The following ITPR1 variants were observed in gnomAD, a reference collection of about 807,000 sequenced individuals.
The protein encoded by ITPR1 is inositol 1,4,5-trisphosphate-gated calcium channel ITPR1.
ITPR1 carries 96 observed loss-of-function variants against 318.4 expected under a neutral mutation model. That is an observed-to-expected ratio of 0.30 (90% CI 0.26 to 0.36). The LOEUF is 0.36. ITPR1 is among the 10% of genes least tolerant of loss of function. ITPR1 has a pLI of 1.00. For missense variants in ITPR1, 2,440 were observed against 3,460.2 expected (o/e 0.71, Z 7.40); for synonymous variants, 1,312 against 1,289.9 (o/e 1.02, Z -0.37).
chr3:4,650,794 G>A (rs571645947), intron 10 of ITPR1, among the ~76,000 whole-genome samples: 1 of 152,116 alleles, frequency 6.6e-6, no homozygotes, highest in South Asian at 2.1e-4. Flanking sequence ...GCAGACATGT[G>A]CTGGGTCATT....
chr3:4,740,607 C>T (rs778833427), intron 44 of ITPR1, among the ~76,000 whole-genome samples: 43 of 152,172 alleles, frequency 2.8e-4, no homozygotes, highest in Non-Finnish European at 5.9e-4. Flanking sequence ...GGTTACTTCC[C>T]AGTCTGGCAT....
chr3:4,523,430 A>AAT (rs1559381324), intron 4 of ITPR1, among the ~76,000 whole-genome samples: 1 of 150,704 alleles, frequency 6.6e-6, no homozygotes, highest in Admixed American at 6.6e-5. Flanking sequence ...CATGCTTATT[A>AAT]TTTTTTTTGG....
At chr3:4,831,145 A>ACACACACACACT in intron 60 of ITPR1, 1 of 380,422 alleles carries the variant, frequency 2.6e-6, no homozygotes, top group East Asian at 7.2e-5. Flanking sequence ...ACACACACAC[A>ACACACACACACT]CACACACACT....
intron 40 of ITPR1, among the ~76,000 whole-genome samples, chr3:4,719,487 C>T (rs2041995854): frequency 6.6e-6 from 1 of 152,244 alleles, no homozygotes; most frequent in Admixed American, 6.5e-5. Flanking sequence ...TCTGCAGAAG[C>T]TTAATGAGAA....
intron 44 of ITPR1, among the ~76,000 whole-genome samples, chr3:4,753,407 G>A (rs2044700859): frequency 7.2e-5 from 11 of 152,134 alleles, no homozygotes; most frequent in Admixed American, 7.2e-4. Flanking sequence ...AGTGCTGTGT[G>A]ATTTCACCCT....
intron 4 of ITPR1, among the ~76,000 whole-genome samples, chr3:4,595,332 G>A (rs1319417240): frequency 6.6e-6 from 1 of 152,172 alleles, no homozygotes. Context: ...GGCCAGAGTG[G>A]GAGCGAGAGA....
At chr3:4,531,575 T>A (rs1049805625) in intron 4 of ITPR1, among the ~76,000 whole-genome samples, 1 of 152,214 alleles carries the variant, frequency 6.6e-6, no homozygotes, top group Non-Finnish European at 1.5e-5. Flanking sequence ...GCAGTCTGCA[T>A]GAGTCACCAC....
chr3:4,638,021 C>G (rs2093241920), intron 5 of ITPR1, among the ~76,000 whole-genome samples: 2 of 152,178 alleles, frequency 1.3e-5, no homozygotes, highest in South Asian at 4.2e-4. Flanking sequence ...TGTATTGTCC[C>G]CATTTTGTGA....
intron 52 of ITPR1, among the ~76,000 whole-genome samples, 186 bp downstream of exon 52, chr3:4,788,325 T>A (rs1559897731): frequency 6.6e-6 from 1 of 152,254 alleles, no homozygotes; most frequent in African/African-American, 2.4e-5. Flanking sequence ...AGCCAAAGTA[T>A]GATAACTCCC....
chr3:4,701,275 G>A lies in ITPR1; in HGVS notation c.4536+1334G>A, dbSNP rs530268124. Among the ~76,000 whole-genome samples, 11 of 152,242 alleles carry A rather than the reference G, an allele frequency of 7.2e-5. No homozygotes were observed. The East Asian group carries it at 2.1e-3, about 29-fold the overall frequency. ...AAATCCAGCACTTACTGGCTAATAG[G>A]GCAGGCGATAATGCACTGCTTCCTT... is the stretch of plus-strand genomic sequence containing the variant. On this transcript the variant is annotated intron_variant, in intron 35 of 61. Coordinates refer to ENST00000649015, the MANE Select transcript of ITPR1 (RefSeq NM_001378452.1).
At chr3:4,797,915 C>G (rs1281801738) in intron 53 of ITPR1, among the ~76,000 whole-genome samples, 1 of 152,184 alleles carries the variant, frequency 6.6e-6, no homozygotes, top group Non-Finnish European at 1.5e-5. Context: ...TCATATCTAA[C>G]AAAACTAACA....
At chr3:4,541,203 A>G (rs1255756874) in intron 4 of ITPR1, among the ~76,000 whole-genome samples, 3 of 152,130 alleles carry the variant, frequency 2.0e-5, no homozygotes, top group Non-Finnish European at 2.9e-5. Context: ...ACGTATTAGT[A>G]TTTACTATAC....
intron 4 of ITPR1, among the ~76,000 whole-genome samples, chr3:4,626,749 C>G (rs1436705357): frequency 6.6e-6 from 1 of 152,048 alleles, no homozygotes; most frequent in Admixed American, 6.5e-5. Context: ...TTTCTGTGTC[C>G]CAGAAGGTCA....
At chr3:4,740,720 G>C (rs1055253100) in intron 44 of ITPR1, among the ~76,000 whole-genome samples, 2 of 152,030 alleles carry the variant, frequency 1.3e-5, no homozygotes. Flanking sequence ...GTGACTCCCA[G>C]ACTTCTCCTA....
At chr3:4,680,781 G>A (rs937419354) in intron 25 of ITPR1, 90 bp downstream of exon 25, 10 of 1,205,128 alleles carry the variant, frequency 8.3e-6, no homozygotes, top group Non-Finnish European at 1.1e-5. Context: ...TAGAAAAAGG[G>A]TGAAAATGGT....
chr3:4,773,251 C>T (rs973907829), intron 46 of ITPR1, among the ~76,000 whole-genome samples: 1 of 152,150 alleles, frequency 6.6e-6, no homozygotes, highest in African/African-American at 2.4e-5. Context: ...GTGGAGGCCT[C>T]GAGAGCAACA....
At chr3:4,681,902 T>C (rs762977797) in intron 26 of ITPR1, among the ~76,000 whole-genome samples, 1 of 152,066 alleles carries the variant, frequency 6.6e-6, no homozygotes, top group South Asian at 2.1e-4. Context: ...AATATTAATG[T>C]ATGAACCCCT....
intron 4 of ITPR1, among the ~76,000 whole-genome samples, chr3:4,526,739 TAGTC>T (rs1267286979): frequency 1.3e-5 from 2 of 152,226 alleles, no homozygotes; most frequent in Admixed American, 6.5e-5. Flanking sequence ...AACTTGCCCA[TAGTC>T]AGTTAAATGT....
intron 52 of ITPR1, 90 bp from the exon 53 acceptor site, chr3:4,794,975 G>A (rs2047804479): frequency 7.2e-7 from 1 of 1,391,676 alleles, no homozygotes; most frequent in Non-Finnish European, 9.6e-7. Flanking sequence ...GTGGACTTGT[G>A]GGGCAGAGCT....
Sources: allele counts gnomAD v4.1 joint callset (sites outside exome capture counted in the v4.1 genomes callset), GRCh38; gene constraint gnomAD v4.1.1; transcripts MANE v1.5; gene names NCBI Gene and HGNC (gene_info 2026-07-23, HGNC 2026-07-21).